The following XYLB variants were observed in gnomAD, a reference collection of about 807,000 sequenced individuals.
XYLB encodes the protein xylulose kinase.
In XYLB, 62 loss-of-function variants were observed where a neutral mutation model predicts 78.7. The observed-to-expected ratio is 0.79, with a 90% confidence interval of 0.64 to 0.97. The LOEUF (loss-of-function observed/expected upper bound fraction) is 0.97. Among genes scored for constraint, XYLB ranks in the 50% least tolerant of loss-of-function variants. The probability of loss-of-function intolerance (pLI) is 0.00; values close to 1 mark genes in which losing one functional copy is unlikely to be tolerated. For missense variants in XYLB, 687 were observed against 676.8 expected (o/e 1.02, Z -0.17); for synonymous variants, 245 against 247.4 (o/e 0.99, Z 0.09).
At chr3:38,447,470 ATTTTTTT>A in the XYLB span, among the ~76,000 whole-genome samples, 238 of 124,888 alleles carry the variant, frequency 1.9e-3, 1 homozygote, top group East Asian at 0.024. Flanking sequence ...CATCTGGCTA[ATTTTTTT>A]TTTTTTTTTT....
chr3:38,379,481 C>T, intron 15 of XYLB, 139 bp downstream of exon 15: 1 of 775,746 alleles, frequency 1.3e-6, no homozygotes. Context: ...GGAGCCTGAC[C>T]TCAGGGATGG....
At chr3:38,397,427 A>G (rs1707919702) in intron 17 of XYLB, among the ~76,000 whole-genome samples, 1 of 152,218 alleles carries the variant, frequency 6.6e-6, no homozygotes, top group African/African-American at 2.4e-5. Context: ...GGACATGGGA[A>G]AAGAACACAG....
chr3:38,362,250 A>G (rs555147940), intron 3 of XYLB, among the ~76,000 whole-genome samples: 14 of 152,168 alleles, frequency 9.2e-5, no homozygotes, highest in Non-Finnish European at 2.1e-4. Flanking sequence ...TTACTTTGTT[A>G]GTTTTTGAGA....
chr3:38,422,631 A>G (rs775643377), downstream of XYLB, among the ~76,000 whole-genome samples: 4 of 152,116 alleles, frequency 2.6e-5, no homozygotes, highest in Admixed American at 6.6e-5. Flanking sequence ...GAAGGACCCC[A>G]TGAACAATCT....
At chr3:38,425,553 G>T (rs1338735895), downstream of XYLB, among the ~76,000 whole-genome samples, 1 of 152,238 alleles carries the variant, frequency 6.6e-6, no homozygotes, top group African/African-American at 2.4e-5. Flanking sequence ...ACCAGCAGCT[G>T]AACAGCATCT....
the XYLB span, among the ~76,000 whole-genome samples, chr3:38,427,888 G>A: frequency 2.6e-5 from 4 of 152,190 alleles, no homozygotes; most frequent in African/African-American, 9.6e-5. Context: ...CACCATGCCT[G>A]GTCAATGTTT....
At chr3:38,408,387 G>A (rs1455059667) in intron 18 of XYLB, among the ~76,000 whole-genome samples, 5 of 151,374 alleles carry the variant, frequency 3.3e-5, no homozygotes, top group African/African-American at 4.8e-5. Context: ...TCAAAGCAGT[G>A]TGTAGAGGGA....
chr3:38,373,497 G>A (rs1477586271), intron 10 of XYLB, among the ~76,000 whole-genome samples: 1 of 152,230 alleles, frequency 6.6e-6, no homozygotes, highest in East Asian at 1.9e-4. Flanking sequence ...AACCTGGGCA[G>A]TATCTTTCTC....
In XYLB at chr3:38,414,888, C is replaced by T; in HGVS notation, c.*1875C>T. ...AAAGATGATACAGGTAAGATTGGAA[C>T]TCATGAAGACAAAAGATAAGACAGT... On this transcript the variant is annotated 3_prime_UTR_variant, in exon 19 of 19. Coordinates refer to ENST00000207870, the MANE Select transcript of XYLB (RefSeq NM_005108.4). The T allele has an allele frequency of 6.6e-6, 1 of 152,100 alleles. No homozygotes were observed. Among genetic ancestry groups the T allele is most frequent in the East Asian group, 1.9e-4 (1 of 5,202 alleles). The allele number at this position is 152,100 out of a possible 1,614,324, so 9.4% of individuals were successfully genotyped here. A position where few individuals can be genotyped will look rare whatever the true frequency, so the allele number is the denominator to read the frequency against.
chr3:38,444,817 G>A, the XYLB span, among the ~76,000 whole-genome samples: 1 of 149,956 alleles, frequency 6.7e-6, no homozygotes, highest in Admixed American at 6.7e-5. Context: ...CCCCTGGCCT[G>A]CCCAAGAATC....
chr3:38,395,582 C>A lies in XYLB; in HGVS notation c.1350+19C>A. 1 of 1,612,838 alleles carries A rather than the reference C, an allele frequency of 6.2e-7. No individual in the cohort carries two copies. Among genetic ancestry groups the A allele is most frequent in the African/African-American group, 1.3e-5 (1 of 75,028 alleles). On this transcript the variant is annotated intron_variant, in intron 16 of 18. Coordinates refer to ENST00000207870, the MANE Select transcript of XYLB (RefSeq NM_005108.4). ...CTTACAGGTAAGCGTTAGTAGTGGG[C>A]CTTACACCATGGCCTCTCCCATATC... is the stretch of plus-strand genomic sequence containing the variant.
chr3:38,421,330 C>G (rs1708971334), downstream of XYLB: 1 of 152,280 alleles, frequency 6.6e-6, no homozygotes, highest in African/African-American at 2.4e-5. Context: ...TGGAACTACA[C>G]TGGAGGACAC....
chr3:38,419,603 T>TAA (rs1199402124), downstream of XYLB, among the ~76,000 whole-genome samples: 2,058 of 77,448 alleles, frequency 0.027, 40 homozygotes, highest in South Asian at 0.048. Context: ...TATATATATA[T>TAA]AATAGCCATC....
chr3:38,376,140 G>A lies in XYLB; in HGVS notation c.1028G>A (p.Arg343Lys). 6.2e-7 allele frequency: 1 copy of A among 1,614,080 alleles called. No homozygotes were observed. Residue 343 changes from arginine (R) to lysine (K), a missense_variant, in exon 13 of 19, where the codon AGA becomes AAA. Coordinates refer to ENST00000207870, the MANE Select transcript of XYLB (RefSeq NM_005108.4). The stretch of plus-strand genomic sequence containing the variant: ...AGCTTTAAAAATGGCTCCCTCATGA[G>A]AGAGAAGATCCGCAACGAGTCTGTA... ...LLCFKNGSLMREKIRNESVSR... is the reference protein window; with the variant it reads ...LLCFKNGSLMKEKIRNESVSR...
At chr3:38,357,292 G>A (rs868375718) in intron 2 of XYLB, 1 of 152,162 alleles carries the variant, frequency 6.6e-6, no homozygotes, top group Non-Finnish European at 1.5e-5. Context: ...TGGTAACTCT[G>A]TGTTCAACAT....
chr3:38,443,007 C>T, the XYLB span, among the ~76,000 whole-genome samples: 63,897 of 151,890 alleles, frequency 0.42, 15,817 homozygotes, highest in Non-Finnish European at 0.57. Flanking sequence ...CTAATATGTC[C>T]CTCCCTAATA....
intron 18 of XYLB, among the ~76,000 whole-genome samples, chr3:38,402,186 C>A (rs1438512491): frequency 6.6e-6 from 1 of 152,172 alleles, no homozygotes. Flanking sequence ...AAACTCCCAA[C>A]CTTGTAAAGA....
chr3:38,435,710 A>G, the XYLB span, among the ~76,000 whole-genome samples: 2 of 152,220 alleles, frequency 1.3e-5, no homozygotes, highest in Non-Finnish European at 2.9e-5. Context: ...ACAAGCCTCA[A>G]CAATTTTTTA....
chr3:38,351,623 CA>C (rs1449642374), intron 2 of XYLB, among the ~76,000 whole-genome samples: 5 of 152,110 alleles, frequency 3.3e-5, no homozygotes, highest in Non-Finnish European at 7.3e-5. Context: ...CAAAATAAGA[CA>C]ATGAGTATTT....
Sources: gnomAD v4.1 joint callset for allele counts (sites outside exome capture counted in the v4.1 genomes callset) on GRCh38, gnomAD v4.1.1 for gene constraint, MANE v1.5 for transcripts, NCBI Gene and HGNC (gene_info 2026-07-23, HGNC 2026-07-21) for gene names.